The following USH2A variants were observed in gnomAD, a reference collection of about 807,000 sequenced individuals.
The protein encoded by USH2A is usherin.
Under a neutral mutation model 538.9 loss-of-function variants are expected in USH2A, and 443 were observed. That is an observed-to-expected ratio of 0.82 (90% CI 0.76 to 0.89). USH2A has a LOEUF of 0.89. Ranked by LOEUF, USH2A falls within the 40% of genes least tolerant of loss-of-function variation. The probability of loss-of-function intolerance (pLI) is 0.00; values close to 1 mark genes in which losing one functional copy is unlikely to be tolerated. For missense variants in USH2A, 6,633 were observed against 6,324.8 expected (o/e 1.05, Z -1.65); for synonymous variants, 2,413 against 2,273.5 (o/e 1.06, Z -1.75).
At chr1:216,035,850 T>C (rs901226228) in intron 32 of USH2A, among the ~76,000 whole-genome samples, 1 of 152,182 alleles carries the variant, frequency 6.6e-6, no homozygotes, top group African/African-American at 2.4e-5. Context: ...CTTATTCCTA[T>C]GTGAGATATT....
At chr1:215,901,121 G>A (rs1025278269) in intron 38 of USH2A, 8 of 606,282 alleles carry the variant, frequency 1.3e-5, no homozygotes, top group African/African-American at 5.5e-5. Flanking sequence ...CTTAAAAGCC[G>A]GCCCCCAAAC....
chr1:216,421,563 C>CTAAA (rs1047241673), intron 2 of USH2A, among the ~76,000 whole-genome samples: 1 of 152,160 alleles, frequency 6.6e-6, no homozygotes, highest in Non-Finnish European at 1.5e-5. Flanking sequence ...TCTGAGTCTT[C>CTAAA]TTTAGGCTTT....
chr1:216,274,472 C>T (rs79283320), intron 11 of USH2A, among the ~76,000 whole-genome samples: 2,743 of 152,146 alleles, frequency 0.018, 72 homozygotes, highest in African/African-American at 0.057. Context: ...CTGAGACTTA[C>T]CACTTATTTA....
Position 215,651,871 on chromosome 1 carries a change from T to C in USH2A, c.14134-1070A>G, listed in dbSNP as rs574987329. ...CCTATCAGTGGTTTTCATACTTTTC[T>C]TTTTTTCCGGATTCCTTTGTGAAAG... On this transcript the variant is annotated intron_variant, in intron 64 of 71. Coordinates refer to ENST00000307340, the MANE Select transcript of USH2A (RefSeq NM_206933.4). 2.0e-5 allele frequency among the ~76,000 whole-genome samples: 3 copies of C among 152,346 alleles called. No homozygotes were observed. In the East Asian group the frequency reaches 5.8e-4, roughly 29 times the overall value.
chr1:216,164,652 A>T (rs1446416466), intron 21 of USH2A, among the ~76,000 whole-genome samples: 2 of 152,186 alleles, frequency 1.3e-5, no homozygotes, highest in African/African-American at 4.8e-5. Context: ...AAAGGTAACA[A>T]TGACAACAAA....
At chr1:216,334,701 A>G (rs2037935899) in intron 4 of USH2A, among the ~76,000 whole-genome samples, 1 of 151,960 alleles carries the variant, frequency 6.6e-6, no homozygotes, top group Admixed American at 6.6e-5. Flanking sequence ...CAGACAAAAT[A>G]GACTTTAGAC....
chr1:216,176,354 G>C (rs2034382113), intron 20 of USH2A, among the ~76,000 whole-genome samples: 1 of 151,954 alleles, frequency 6.6e-6, no homozygotes, highest in Admixed American at 6.6e-5. Flanking sequence ...TCCTGTCTCA[G>C]CCTCCCAAGT....
intron 38 of USH2A, among the ~76,000 whole-genome samples, chr1:215,923,466 A>T (rs1324166936): frequency 2.6e-5 from 4 of 152,070 alleles, no homozygotes; most frequent in Non-Finnish European, 5.9e-5. Context: ...AATACAGGGC[A>T]AGAGACATGC....
At position 215,634,445 on chromosome 1, in the gene USH2A, C is replaced by T. The variant is rs774899135; in HGVS notation, c.15297+14G>A. 5.1e-5 allele frequency: 82 copies of T among 1,614,042 alleles called. No homozygotes were observed. Among genetic ancestry groups the T allele is most frequent in the Non-Finnish European group, 6.3e-5 (74 of 1,180,040 alleles). ...CAGTGATAGGGAAATGGGGCCACAC[C>T]TCTACAAACATACCATATGGTTTTC... On this transcript the variant is annotated intron_variant, in intron 70 of 71. Transcript: ENST00000307340.
chr1:215,678,652 G>A (rs895792735), intron 62 of USH2A, among the ~76,000 whole-genome samples: 44 of 151,930 alleles, frequency 2.9e-4, no homozygotes, highest in African/African-American at 1.0e-3. Context: ...TTATTTACTA[G>A]CTTATTGTTT....
intron 64 of USH2A, among the ~76,000 whole-genome samples, chr1:215,656,585 TG>T (rs1453910131): frequency 6.6e-6 from 1 of 152,230 alleles, no homozygotes; most frequent in African/African-American, 2.4e-5. Context: ...TGATGATGAC[TG>T]TCTTTACGCT....
At chr1:215,851,560 C>T (rs141032515) in intron 44 of USH2A, among the ~76,000 whole-genome samples, 134 of 151,964 alleles carry the variant, frequency 8.8e-4, no homozygotes, top group African/African-American at 3.0e-3. Context: ...ACGTTACCAA[C>T]AAAAAAAGTC....
chr1:215,859,118 T>C (rs1162957383), intron 44 of USH2A, among the ~76,000 whole-genome samples: 10 of 151,964 alleles, frequency 6.6e-5, no homozygotes, highest in African/African-American at 2.4e-4. Flanking sequence ...GAAATCGAGG[T>C]CCCACTCTTA....
At chr1:215,814,906 C>T (rs544931659) in intron 48 of USH2A, among the ~76,000 whole-genome samples, 1 of 152,256 alleles carries the variant, frequency 6.6e-6, no homozygotes, top group East Asian at 1.9e-4. Context: ...TAGGTTTTAA[C>T]AATTCCCCCA....
intron 11 of USH2A, among the ~76,000 whole-genome samples, chr1:216,286,752 A>AAATAAATAAAT (rs2036894321): frequency 6.7e-6 from 1 of 149,974 alleles, no homozygotes; most frequent in African/African-American, 2.5e-5. Flanking sequence ...AATAAATAAA[A>AAATAAATAAAT]ACCTATTTTT....
intron 4 of USH2A, among the ~76,000 whole-genome samples, chr1:216,336,295 ACAT>A (rs1322747879): frequency 6.6e-6 from 1 of 151,340 alleles, no homozygotes; most frequent in Non-Finnish European, 1.5e-5. Flanking sequence ...CCAACAGCTA[ACAT>A]CATATTTAGT....
rs369767013 is a variant in USH2A at position 216,148,841 on chromosome 1, C to G, written c.4627+26411G>C. On this transcript the variant is annotated intron_variant, in intron 21 of 71. Coordinates refer to ENST00000307340, the MANE Select transcript of USH2A (RefSeq NM_206933.4). ...TCCTTTGCACCCTTAATCCCAGCCT[C>G]TCTTCACTTTCACTTGGACTGACCC... 8.6e-5 allele frequency among the ~76,000 whole-genome samples: 13 copies of G among 151,726 alleles called. 1 individual carries two copies. Among genetic ancestry groups the G allele is most frequent in the Admixed American group, 3.3e-4 (5 of 15,218 alleles).
At chr1:216,254,166 G>A (rs1331966767) in intron 11 of USH2A, among the ~76,000 whole-genome samples, 1 of 152,018 alleles carries the variant, frequency 6.6e-6, no homozygotes, top group Non-Finnish European at 1.5e-5. Context: ...AACACATATA[G>A]ATTATAATTT....
chr1:215,933,363 T>C (rs548042366), intron 38 of USH2A, among the ~76,000 whole-genome samples: 1 of 152,086 alleles, frequency 6.6e-6, no homozygotes, highest in African/African-American at 2.4e-5. Flanking sequence ...TAAATAAATA[T>C]ATCTAAATTC....
Sources: gnomAD v4.1 joint callset for allele counts (sites outside exome capture counted in the v4.1 genomes callset) on GRCh38, gnomAD v4.1.1 for gene constraint, MANE v1.5 for transcripts, NCBI Gene and HGNC (gene_info 2026-07-23, HGNC 2026-07-21) for gene names.